Variants in RFPL2 observed in about 807,000 individuals in gnomAD.
The protein encoded by RFPL2 is ret finger protein-like 2.
In RFPL2, 13 loss-of-function variants were observed where a neutral mutation model predicts 17.8. That is an observed-to-expected ratio of 0.73 (90% CI 0.47 to 1.16). The LOEUF (loss-of-function observed/expected upper bound fraction) is 1.16, where lower values mean the gene tolerates loss of function less well. Ranked by LOEUF, RFPL2 falls within the 50% of genes most tolerant of loss-of-function variation. The probability of loss-of-function intolerance (pLI) is 0.00; values close to 1 mark genes in which losing one functional copy is unlikely to be tolerated. For synonymous variants in RFPL2, 189 were observed against 180.9 expected (o/e 1.04, Z -0.36); for missense variants, 431 against 479.3 (o/e 0.90, Z 0.94).
At chr22:32,200,330 C>T (rs1241143113) in intron 2 of RFPL2, 2 of 219,108 alleles carry the variant, frequency 9.1e-6, no homozygotes, top group Admixed American at 5.3e-5. Context: ...CTTCTCCCTG[C>T]ACCCAGGAAA....
At chr22:32,202,693 G>A in intron 1 of RFPL2, 143 bp from the exon 2 acceptor site, 1 of 1,325,046 alleles carries the variant, frequency 7.5e-7, no homozygotes, top group Non-Finnish European at 9.7e-7. Context: ...GCCAGGAACT[G>A]CGGCCTGGAG....
At chr22:32,194,650 CA>C (rs1923131590) in intron 2 of RFPL2, among the ~76,000 whole-genome samples, 160 bp from the exon 3 acceptor site, 1 of 152,220 alleles carries the variant, frequency 6.6e-6, no homozygotes, top group Non-Finnish European at 1.5e-5. Flanking sequence ...GTACTAACTT[CA>C]AAAGCTTATT....
At chr22:32,202,675 G>A (rs182439920) in intron 1 of RFPL2, 125 bp from the exon 2 acceptor site, 1 of 1,356,706 alleles carries the variant, frequency 7.4e-7, no homozygotes, top group Non-Finnish European at 9.5e-7. Flanking sequence ...TCCTTTTAGC[G>A]CAAGCTGGCC....
intron 2 of RFPL2, among the ~76,000 whole-genome samples, chr22:32,198,775 C>T (rs1299372521): frequency 1.3e-5 from 2 of 152,060 alleles, no homozygotes; most frequent in African/African-American, 4.8e-5. Flanking sequence ...TCACCGTGAC[C>T]CCTTCACCTC....
At chr22:32,191,393 A>G (rs2149523150) in intron 4 of RFPL2, 41 bp from the exon 5 acceptor site, 2 of 1,577,032 alleles carry the variant, frequency 1.3e-6, no homozygotes, top group South Asian at 2.4e-5. Context: ...ATGGACAGAA[A>G]CCAACCCTAT....
rs767394026 is a variant in RFPL2 at position 32,190,817 on chromosome 22, G to A, written c.1092C>T (p.Asn364=). The change falls in exon 5 of 5, where the codon AAC becomes AAT. Residue 364 remains asparagine, a synonymous_variant. Coordinates refer to ENST00000652607, the MANE Select transcript of RFPL2 (RefSeq NM_001394555.1). ...QGVLSICPLM[N]SGTTDAPVRP... Reference sequence around the variant, plus strand: ...GGACTGGAGCATCAGTAGTGCCTGAGTTCATCAAAGGACAGATGCTCAAGA... The same window carrying A: ...GGACTGGAGCATCAGTAGTGCCTGAATTCATCAAAGGACAGATGCTCAAGA... 1.3e-6 allele frequency: 2 copies of A among 1,548,730 alleles called. No homozygotes were observed. The highest frequency in any genetic ancestry group is 8.7e-7 in the Non-Finnish European group (1 of 1,146,316).
intron 3 of RFPL2, among the ~76,000 whole-genome samples, chr22:32,193,968 T>C (rs1923033343): frequency 6.7e-6 from 1 of 149,572 alleles, no homozygotes; most frequent in Non-Finnish European, 1.5e-5. Flanking sequence ...AACCGAGGAG[T>C]TTGAGACCAG....
In RFPL2 at chr22:32,203,051, G is replaced by C. The variant is rs1055403959; in HGVS notation, c.-99-501C>G. ...AGGAGGAGGTGGCCGGGAAGAGGAG[G>C]ACCGCTCCTCTCTTGCAGACCACCG... On this transcript the variant is annotated intron_variant, in intron 1 of 4. Coordinates refer to ENST00000652607, the MANE Select transcript of RFPL2 (RefSeq NM_001394555.1). The C allele has an allele frequency of 3.0e-6, 3 of 985,656 alleles. No homozygotes were observed. In the African/African-American group the frequency reaches 5.2e-5, roughly 17 times the overall value. The allele number at this position is 985,656 out of a possible 1,614,324, so 61.1% of individuals were successfully genotyped here.
At chr22:32,198,114 G>A (rs963210429) in intron 2 of RFPL2, among the ~76,000 whole-genome samples, 1 of 152,078 alleles carries the variant, frequency 6.6e-6, no homozygotes, top group African/African-American at 2.4e-5. Context: ...CCTTCTCTGG[G>A]GCATTGGGGA....
Position 32,190,707 on chromosome 22 carries a change from C to T in RFPL2, c.*65G>A, listed in dbSNP as rs16989988. 7,130 of 1,440,418 alleles carry T rather than the reference C, an allele frequency of 4.9e-3. 202 individuals carry two copies. In the African/African-American group the frequency reaches 0.063, roughly 13 times the overall value. The allele number at this position is 1,440,418 out of a possible 1,614,324, so 89.2% of individuals were successfully genotyped here. A position where few individuals can be genotyped will look rare whatever the true frequency, so the allele number is the denominator to read the frequency against. On this transcript the variant is annotated 3_prime_UTR_variant, in exon 5 of 5. Transcript: ENST00000652607. ...TGTATAATGCTTTTACGAAGTAGAG[C>T]GTTCCTAAGTCTACCCACCCAAGTA...
chr22:32,193,336 C>T (rs1922924131), intron 3 of RFPL2, 144 bp from the exon 4 acceptor site: 1 of 1,574,346 alleles, frequency 6.4e-7, no homozygotes, highest in African/African-American at 1.4e-5. Flanking sequence ...TACAAACACT[C>T]AAGCACATCC....
intron 2 of RFPL2, among the ~76,000 whole-genome samples, chr22:32,201,033 T>TA (rs1923864693): frequency 6.8e-6 from 1 of 148,066 alleles, no homozygotes; most frequent in South Asian, 2.1e-4. Context: ...GGTGTTCCCT[T>TA]ATTTCCTTTT....
At chr22:32,196,869 G>A (rs1478634122) in intron 2 of RFPL2, among the ~76,000 whole-genome samples, 3 of 152,134 alleles carry the variant, frequency 2.0e-5, no homozygotes, top group African/African-American at 2.4e-5. Flanking sequence ...GCCACAGTCC[G>A]TAAAACCCAA....
At position 32,192,999 on chromosome 22, in the gene RFPL2, G is replaced by A; in HGVS notation, c.459C>T (p.Arg153=). Residue 153 remains arginine (R), a synonymous_variant, in exon 4 of 5, where the codon CGC becomes CGT. Coordinates refer to ENST00000652607, the MANE Select transcript of RFPL2 (RefSeq NM_001394555.1). ...AAGCCAGCCTCTCTAGCTGCCGATTGCGCCTGATTTTGTTCTTCCGAGAGA... is the reference window on the plus strand; with the variant it reads ...AAGCCAGCCTCTCTAGCTGCCGATTACGCCTGATTTTGTTCTTCCGAGAGA... ...SMVSRKNKIR[R]NRQLERLASH... 6.2e-7 allele frequency: 1 copy of A among 1,614,140 alleles called. No homozygotes were observed. Among genetic ancestry groups the A allele is most frequent in the Non-Finnish European group, 8.5e-7 (1 of 1,180,034 alleles).
Position 32,200,519 on chromosome 22 carries a change from G to GGA in RFPL2, c.119+1812_119+1813dup, listed in dbSNP as rs531155100. ...CCAGACTCCCAGGGGTGTCTCCTGG[G>GGA]GAAACAGGCCAGGCCATGCATTTGG... On this transcript the variant is annotated intron_variant, in intron 2 of 4. Coordinates refer to ENST00000652607, the MANE Select transcript of RFPL2 (RefSeq NM_001394555.1). Among the ~76,000 whole-genome samples, 176 of 152,080 alleles carry GGA rather than the reference G, an allele frequency of 1.2e-3. 1 individual carries two copies. Among genetic ancestry groups the GGA allele is most frequent in the African/African-American group, 4.1e-3 (172 of 41,478 alleles).
chr22:32,190,818 T>C lies in RFPL2; in HGVS notation c.1091A>G (p.Asn364Ser), dbSNP rs1472610747. 1.3e-6 allele frequency: 2 copies of C among 1,547,920 alleles called. No homozygotes were observed. Among genetic ancestry groups the C allele is most frequent in the Non-Finnish European group, 1.7e-6 (2 of 1,145,984 alleles). Reference protein sequence around the residue: ...QGVLSICPLMNSGTTDAPVRP... With the variant: ...QGVLSICPLMSSGTTDAPVRP... ...GACTGGAGCATCAGTAGTGCCTGAGTTCATCAAAGGACAGATGCTCAAGAC... is the reference window on the plus strand; with the variant it reads ...GACTGGAGCATCAGTAGTGCCTGAGCTCATCAAAGGACAGATGCTCAAGAC... Residue 364 changes from asparagine (N) to serine (S), a missense_variant, in exon 5 of 5, where the codon AAC becomes AGC. Physicochemically the swap from Asn to Ser is conservative, Grantham distance 46. Coordinates refer to ENST00000652607, the MANE Select transcript of RFPL2 (RefSeq NM_001394555.1).
At chr22:32,194,113 T>TA (rs947515025) in intron 3 of RFPL2, among the ~76,000 whole-genome samples, 2 of 151,494 alleles carry the variant, frequency 1.3e-5, no homozygotes, top group Non-Finnish European at 2.9e-5. Context: ...AATAAAAAAA[T>TA]AAAAAAAATT....
At chr22:32,198,283 C>G (rs1249768048) in intron 2 of RFPL2, among the ~76,000 whole-genome samples, 1 of 152,136 alleles carries the variant, frequency 6.6e-6, no homozygotes, top group African/African-American at 2.4e-5. Flanking sequence ...ATTCCTGGGC[C>G]ACAGTCAAAG....
intron 2 of RFPL2, among the ~76,000 whole-genome samples, chr22:32,198,174 A>G (rs1368014917): frequency 6.6e-6 from 1 of 152,158 alleles, no homozygotes; most frequent in Non-Finnish European, 1.5e-5. Flanking sequence ...CCAAGAGATC[A>G]GGGTTACAAC....
Sources: allele counts gnomAD v4.1 joint callset (sites outside exome capture counted in the v4.1 genomes callset), GRCh38; gene constraint gnomAD v4.1.1; transcripts MANE v1.5; gene names NCBI Gene and HGNC (gene_info 2026-07-23, HGNC 2026-07-21).